The following CYFIP1 variants were observed in gnomAD, a reference collection of about 807,000 sequenced individuals.
CYFIP1 encodes cytoplasmic FMR1 interacting protein 1.
CYFIP1 carries 58 observed loss-of-function variants against 163.5 expected under a neutral mutation model. The ratio of observed to expected loss-of-function variants is 0.35; its 90% CI spans 0.29 to 0.44. CYFIP1 has a LOEUF of 0.44. CYFIP1 is among the 20% of genes least tolerant of loss of function. The probability of loss-of-function intolerance (pLI) is 1.00; values close to 1 mark genes in which losing one functional copy is unlikely to be tolerated. For missense variants in CYFIP1, 1,338 were observed against 1,653.8 expected (o/e 0.81, Z 3.31); for synonymous variants, 663 against 660.7 (o/e 1.00, Z -0.05).
At chr15:22,951,558 C>T (rs766074661) in intron 1 of CYFIP1, 1 of 1,286,878 alleles carries the variant, frequency 7.8e-7, no homozygotes, top group South Asian at 1.2e-5. Context: ...CCCAGAGTCC[C>T]GCAGTCTGCC....
intron 28 of CYFIP1, 30 bp downstream of exon 28, chr15:22,874,520 A>C: frequency 6.6e-7 from 1 of 1,522,406 alleles, no homozygotes; most frequent in Non-Finnish European, 8.8e-7. Flanking sequence ...CCCAGCTTGC[A>C]ACAGCCACAG....
At chr15:22,943,408 C>T in intron 5 of CYFIP1, 54 bp from the exon 6 acceptor site, 1 of 1,562,270 alleles carries the variant, frequency 6.4e-7, no homozygotes, top group South Asian at 1.2e-5. Context: ...GGAGCCAAGC[C>T]CATGTCCCTC....
rs1274224017 is a variant in CYFIP1 at position 22,943,296 on chromosome 15, C to A, written c.446G>T (p.Arg149Met). 6.2e-7 allele frequency: 1 copy of A among 1,614,220 alleles called. No individual in the cohort carries two copies. The highest frequency in any genetic ancestry group is 8.5e-7 in the Non-Finnish European group (1 of 1,180,038). Residue 149 changes from arginine (R) to methionine (M), a missense_variant, in exon 6 of 31, where the codon AGG (arginine) becomes ATG (methionine). Physicochemically the swap from Arg to Met is moderately conservative, Grantham distance 91 (BLOSUM62 -1). Transcript: ENST00000617928. ...EVRRLCHAER[R>M]KDFVSEAYLI... Reference sequence around the variant, plus strand: ...GTAGGCTTCTGACACGAAGTCCTTCCTCCTCTCGGCATGGCACAGGCGCCT... The same window carrying A: ...GTAGGCTTCTGACACGAAGTCCTTCATCCTCTCGGCATGGCACAGGCGCCT...
intron 6 of CYFIP1, 73 bp downstream of exon 6, chr15:22,943,100 C>A (rs1326879117): frequency 2.1e-6 from 3 of 1,447,272 alleles, no homozygotes; most frequent in Admixed American, 3.8e-5. Flanking sequence ...AGACGCACAC[C>A]TGCTGTGCAC....
In CYFIP1 at chr15:22,903,273, G is replaced by A. The variant is rs142761852; in HGVS notation, c.2588+433C>T. Among the ~76,000 whole-genome samples, 5 of 152,270 alleles carry A rather than the reference G, an allele frequency of 3.3e-5. No homozygotes were observed. The East Asian group carries it at 9.7e-4, about 29-fold the overall frequency. On this transcript the variant is annotated intron_variant, in intron 22 of 30. Transcript: ENST00000617928. ...GGTGTGCGGAGCCCAGGGCAGGGCT[G>A]TCCCAGGACTCAGGCCCTACTATGA...
chr15:22,893,991 C>T (rs994214489), intron 22 of CYFIP1, among the ~76,000 whole-genome samples: 2 of 152,118 alleles, frequency 1.3e-5, no homozygotes, highest in East Asian at 1.9e-4. Context: ...GGAGGCGCTA[C>T]GGTCAGGGTG....
intron 30 of CYFIP1, among the ~76,000 whole-genome samples, chr15:22,870,517 G>T (rs1266688831): frequency 6.6e-6 from 1 of 151,998 alleles, no homozygotes; most frequent in African/African-American, 2.4e-5. Context: ...TTATTATGCT[G>T]TCCAGGATGG....
At chr15:22,901,485 G>A (rs1339375787) in intron 22 of CYFIP1, among the ~76,000 whole-genome samples, 1 of 152,196 alleles carries the variant, frequency 6.6e-6, no homozygotes, top group African/African-American at 2.4e-5. Flanking sequence ...TGGGCTCCAG[G>A]TGCGCCCCGC....
chr15:22,957,565 G>A (rs2062516580), intron 1 of CYFIP1, among the ~76,000 whole-genome samples: 1 of 152,196 alleles, frequency 6.6e-6, no homozygotes, highest in Non-Finnish European at 1.5e-5. Context: ...GAACCCAGGA[G>A]GCGGAGCTTG....
In CYFIP1 at chr15:22,913,629, AACAAAG is replaced by A. The variant is rs2060869376; in HGVS notation, c.1985+1091_1985+1096del. On this transcript the variant is annotated intron_variant, in intron 17 of 30. Coordinates refer to ENST00000617928, the MANE Select transcript of CYFIP1 (RefSeq NM_014608.6). ...TTAAAAAAAAAAAAAAAAAAAAAAG[AACAAAG>A]GTGAAGGTCCTGGATCCCACAGCTC... 2.0e-4 allele frequency among the ~76,000 whole-genome samples: 28 copies of A among 137,922 alleles called. No individual in the cohort carries two copies. In the South Asian group the frequency reaches 5.8e-3, roughly 29 times the overall value. The allele number at this position is 137,922 out of a possible 152,430, so 90.5% of individuals were successfully genotyped here.
chr15:22,936,159 C>T (rs1238456981), intron 9 of CYFIP1, among the ~76,000 whole-genome samples: 1 of 152,026 alleles, frequency 6.6e-6, no homozygotes, highest in Non-Finnish European at 1.5e-5. Context: ...GTAGTCCCAG[C>T]TACTTGAGAG....
intron 3 of CYFIP1, among the ~76,000 whole-genome samples, chr15:22,945,901 C>A (rs11634023): frequency 2.0e-5 from 3 of 151,924 alleles, no homozygotes; most frequent in Admixed American, 6.5e-5. Context: ...TTTTTTATTA[C>A]ACGACATAAA....
At chr15:22,908,559 T>C (rs1476260821) in intron 21 of CYFIP1, among the ~76,000 whole-genome samples, 1 of 136,764 alleles carries the variant, frequency 7.3e-6, no homozygotes, top group Non-Finnish European at 1.5e-5. Context: ...AGACAGAGTC[T>C]TGCTCTGTCG....
At chr15:22,930,716 T>G (rs2061511203) in intron 11 of CYFIP1, among the ~76,000 whole-genome samples, 1 of 152,158 alleles carries the variant, frequency 6.6e-6, no homozygotes, top group Non-Finnish European at 1.5e-5. Flanking sequence ...AAAAAATATT[T>G]TTGCACAGGT....
chr15:22,960,923 A>C (rs1246339433), intron 1 of CYFIP1, among the ~76,000 whole-genome samples: 1 of 152,228 alleles, frequency 6.6e-6, no homozygotes, highest in South Asian at 2.1e-4. Context: ...GGACAGTAGC[A>C]TGGCGCTTCC....
chr15:22,871,941 A>G (rs1461228585), intron 30 of CYFIP1, among the ~76,000 whole-genome samples: 1 of 141,370 alleles, frequency 7.1e-6, no homozygotes, highest in Non-Finnish European at 1.5e-5. Flanking sequence ...ATTGTGAGAT[A>G]ATCAGTGGTA....
At chr15:22,883,228 T>C (rs1255393637) in intron 23 of CYFIP1, among the ~76,000 whole-genome samples, 1 of 152,134 alleles carries the variant, frequency 6.6e-6, no homozygotes, top group Non-Finnish European at 1.5e-5. Flanking sequence ...AGAAAACCAT[T>C]TGGTGTTTCA....
chr15:22,976,727 G>A (rs2063295536), intron 1 of CYFIP1, among the ~76,000 whole-genome samples: 1 of 152,120 alleles, frequency 6.6e-6, no homozygotes, highest in South Asian at 2.1e-4. Context: ...AGGCATAGAT[G>A]TATAGGGAAA....
chr15:22,882,805 T>A (rs1595507427), intron 24 of CYFIP1, 63 bp downstream of exon 24: 2 of 1,569,182 alleles, frequency 1.3e-6, no homozygotes, highest in East Asian at 4.5e-5. Context: ...GAGAAGACCC[T>A]CTGGCATGGG....
Sources: gnomAD v4.1 joint callset for allele counts (sites outside exome capture counted in the v4.1 genomes callset) on GRCh38, gnomAD v4.1.1 for gene constraint, MANE v1.5 for transcripts, NCBI Gene and HGNC (gene_info 2026-07-23, HGNC 2026-07-21) for gene names.